SRD5A2: variants seen among roughly 807,000 people sequenced by gnomAD.
The protein encoded by SRD5A2 is 3-oxo-5-alpha-steroid 4-dehydrogenase 2.
Under a neutral mutation model 27.4 loss-of-function variants are expected in SRD5A2, and 30 were observed. That is an observed-to-expected ratio of 1.10 (90% confidence interval 0.82 to 1.49). The LOEUF is 1.49. Ranked by LOEUF, SRD5A2 falls within the 40% of genes most tolerant of loss-of-function variation. SRD5A2 has a pLI of 0.00. For synonymous variants in SRD5A2, 141 were observed against 133.6 expected, an observed-to-expected ratio of 1.06 and a Z score of -0.38; for missense variants, 348 against 323.4, an observed-to-expected ratio of 1.08 and a Z score of -0.58.
chr2:31,529,444 C>G lies in SRD5A2; in HGVS notation c.561G>C (p.Thr187=), dbSNP rs369072138. The change falls in exon 4 of 5, where the codon ACG becomes ACC. Residue 187 remains threonine, a synonymous_variant. Transcript: ENST00000622030. ...SYRIPQGGLF[T]YVSGANFLGE... is the part of the protein sequence containing the mutation. ...CGAGGAAATTGGCTCCAGAAACATA[C>G]GTAAACAAGCCACCTGCGTGCAGAA... 4.3e-6 allele frequency: 7 copies of G among 1,613,044 alleles called. No individual in the cohort carries two copies. In the Admixed American group the frequency reaches 1.0e-4, roughly 23 times the overall value.
the SRD5A2 span, among the ~76,000 whole-genome samples, chr2:31,638,699 C>G: frequency 6.6e-6 from 1 of 150,428 alleles, no homozygotes; most frequent in Admixed American, 6.6e-5. Flanking sequence ...TTTTTATAGT[C>G]TCTGATTTGT....
At chr2:31,630,492 T>C in the SRD5A2 span, among the ~76,000 whole-genome samples, 9 of 152,182 alleles carry the variant, frequency 5.9e-5, no homozygotes, top group Non-Finnish European at 1.2e-4. Context: ...TTGTTGTCAG[T>C]GTAAACAAGG....
chr2:31,597,174 A>G, the SRD5A2 span, among the ~76,000 whole-genome samples: 1 of 152,152 alleles, frequency 6.6e-6, no homozygotes, highest in African/African-American at 2.4e-5. Flanking sequence ...AAAGCCAAAT[A>G]CTTATAGCCA....
chr2:31,528,127 G>A (rs1217932505), intron 4 of SRD5A2, among the ~76,000 whole-genome samples: 1 of 152,158 alleles, frequency 6.6e-6, no homozygotes, highest in African/African-American at 2.4e-5. Context: ...TGAAGCTTTA[G>A]GCCAGACCTT....
At chr2:31,601,961 G>C in the SRD5A2 span, among the ~76,000 whole-genome samples, 1 of 151,832 alleles carries the variant, frequency 6.6e-6, no homozygotes, top group Non-Finnish European at 1.5e-5. Context: ...ATACTGAATC[G>C]GCAAAAGCTG....
At chr2:31,624,481 T>G in the SRD5A2 span, among the ~76,000 whole-genome samples, 528 of 152,234 alleles carry the variant, frequency 3.5e-3, 2 homozygotes, top group African/African-American at 0.012. Flanking sequence ...ATTATTTACA[T>G]TAGGTATTTC....
intron 1 of SRD5A2, among the ~76,000 whole-genome samples, chr2:31,553,009 CAT>C (rs1666411531): frequency 6.6e-6 from 1 of 151,962 alleles, no homozygotes; most frequent in Non-Finnish European, 1.5e-5. Context: ...CGAGAGGAAA[CAT>C]ATGAACAACC....
the SRD5A2 span, among the ~76,000 whole-genome samples, chr2:31,630,245 A>C: frequency 6.6e-6 from 1 of 152,182 alleles, no homozygotes; most frequent in Non-Finnish European, 1.5e-5. Context: ...GGTCTATGAA[A>C]ACGTAAGAGA....
At chr2:31,649,002 A>C in the SRD5A2 span, among the ~76,000 whole-genome samples, 1 of 152,178 alleles carries the variant, frequency 6.6e-6, no homozygotes, top group Non-Finnish European at 1.5e-5. Context: ...TTCCCACTTC[A>C]GTCAGCTCCT....
intron 1 of SRD5A2, among the ~76,000 whole-genome samples, chr2:31,539,849 C>T (rs941086842): frequency 2.0e-5 from 3 of 152,086 alleles, no homozygotes; most frequent in Non-Finnish European, 4.4e-5. Flanking sequence ...AAAACCCCAC[C>T]GCCACACAAA....
At chr2:31,530,658 T>A (rs1558356547) in intron 3 of SRD5A2, among the ~76,000 whole-genome samples, 1 of 152,184 alleles carries the variant, frequency 6.6e-6, no homozygotes, top group Non-Finnish European at 1.5e-5. Flanking sequence ...AATTTTTTGA[T>A]GTAAATAAAG....
chr2:31,580,091 T>G (rs1667038543), intron 1 of SRD5A2, among the ~76,000 whole-genome samples: 1 of 152,128 alleles, frequency 6.6e-6, no homozygotes, highest in South Asian at 2.1e-4. Context: ...TCCTTAGACC[T>G]GCAAAGACTA....
chr2:31,614,872 T>A, the SRD5A2 span, among the ~76,000 whole-genome samples: 1 of 152,154 alleles, frequency 6.6e-6, no homozygotes, highest in Non-Finnish European at 1.5e-5. Context: ...TCCCATGTGT[T>A]GTGGGAGGGA....
intron 1 of SRD5A2, among the ~76,000 whole-genome samples, chr2:31,576,080 G>T (rs979879078): frequency 9.3e-5 from 14 of 150,570 alleles, no homozygotes; most frequent in Admixed American, 8.0e-4. Flanking sequence ...CAGGACATAG[G>T]CGTGGGCAAG....
chr2:31,542,743 G>A (rs1196927138), intron 1 of SRD5A2, among the ~76,000 whole-genome samples: 1 of 152,044 alleles, frequency 6.6e-6, no homozygotes, highest in Non-Finnish European at 1.5e-5. Context: ...CATCAAGTCT[G>A]AGGAACAAAA....
chr2:31,582,583 A>G (rs1344665839), upstream of SRD5A2, among the ~76,000 whole-genome samples: 1 of 152,200 alleles, frequency 6.6e-6, no homozygotes, highest in South Asian at 2.1e-4. Context: ...GTCCAGTCCC[A>G]GCTTCCTCAG....
In SRD5A2 at chr2:31,526,194, C is replaced by G; in HGVS notation, c.*2G>C. On this transcript the variant is annotated 3_prime_UTR_variant, in exon 5 of 5. Coordinates refer to ENST00000622030, the MANE Select transcript of SRD5A2 (RefSeq NM_000348.4). ...GCTCTGCTCCTTTTTAATTTGGTTCCTTTAAAAGATGAATGGAATAAGGGC... is the reference window on the plus strand; with the variant it reads ...GCTCTGCTCCTTTTTAATTTGGTTCGTTTAAAAGATGAATGGAATAAGGGC... The G allele has an allele frequency of 6.4e-7, 1 of 1,573,950 alleles. No individual in the cohort carries two copies. The highest frequency in any genetic ancestry group is 8.6e-7 in the Non-Finnish European group (1 of 1,156,134).
the SRD5A2 span, among the ~76,000 whole-genome samples, chr2:31,616,213 G>C: frequency 1.3e-5 from 2 of 152,162 alleles, no homozygotes; most frequent in Non-Finnish European, 2.9e-5. Context: ...GACCCTCATG[G>C]AGAACCTCCA....
At chr2:31,536,783 A>C (rs1233270437) in intron 1 of SRD5A2, among the ~76,000 whole-genome samples, 2 of 152,194 alleles carry the variant, frequency 1.3e-5, no homozygotes, top group Admixed American at 1.3e-4. Context: ...GGTGCTGTAG[A>C]GTTGTAGGTG....
Sources: gnomAD v4.1 joint callset for allele counts (sites outside exome capture counted in the v4.1 genomes callset) on GRCh38, gnomAD v4.1.1 for gene constraint, MANE v1.5 for transcripts, NCBI Gene and HGNC (gene_info 2026-07-23, HGNC 2026-07-21) for gene names.